Variants in ARHGAP10 observed in about 807,000 individuals in gnomAD.
The protein encoded by ARHGAP10 is Rho GTPase activating protein 10.
Under a neutral mutation model 108.6 loss-of-function variants are expected in ARHGAP10, and 87 were observed. That is an observed-to-expected ratio of 0.80 (90% confidence interval 0.67 to 0.96). ARHGAP10 has a LOEUF of 0.96. Ranked by LOEUF, ARHGAP10 falls within the 40% of genes least tolerant of loss-of-function variation. The probability of loss-of-function intolerance (pLI) is 0.00; values close to 1 mark genes in which losing one functional copy is unlikely to be tolerated. For synonymous variants in ARHGAP10, 347 were observed against 341.1 expected, an observed-to-expected ratio of 1.02 and a Z score of -0.19; for missense variants, 939 against 954.5, an observed-to-expected ratio of 0.98 and a Z score of 0.21.
At chr4:148,027,727 G>T (rs985607233) in intron 19 of ARHGAP10, among the ~76,000 whole-genome samples, 2 of 152,126 alleles carry the variant, frequency 1.3e-5, no homozygotes, top group South Asian at 4.1e-4. Context: ...ACACGTCAAC[G>T]AGAGCAATGC....
At chr4:147,783,450 C>T (rs1421094965) in intron 1 of ARHGAP10, among the ~76,000 whole-genome samples, 1 of 141,248 alleles carries the variant, frequency 7.1e-6, no homozygotes, top group African/African-American at 2.6e-5. Context: ...ATTTATATAG[C>T]ACACATTAAA....
At chr4:147,767,563 G>A (rs896466384) in intron 1 of ARHGAP10, among the ~76,000 whole-genome samples, 3 of 152,052 alleles carry the variant, frequency 2.0e-5, no homozygotes, top group South Asian at 4.2e-4. Flanking sequence ...ATCAAGAATC[G>A]TCTTGAAAAT....
chr4:147,750,600 T>C (rs945967125), intron 1 of ARHGAP10, among the ~76,000 whole-genome samples: 8 of 151,054 alleles, frequency 5.3e-5, no homozygotes, highest in African/African-American at 1.2e-4. Context: ...ATATAAAATA[T>C]CTTTTTTTTT....
In ARHGAP10 at chr4:147,857,505, G is replaced by GTGTA. The variant is rs1734140922; in HGVS notation, c.385-46_385-43dup. ...TTGAGCTTCCCAGTGGATTAACCAT[G>GTGTA]TGTATCCTTTTGTTTCTGTTTAATC... On this transcript the variant is annotated intron_variant, in intron 4 of 22. Coordinates refer to ENST00000336498, the MANE Select transcript of ARHGAP10 (RefSeq NM_024605.4). The GTGTA allele has an allele frequency of 2.9e-6, 4 of 1,391,214 alleles. No homozygotes were observed. In the Admixed American group the frequency reaches 1.3e-4, roughly 45 times the overall value. The allele number at this position is 1,391,214 out of a possible 1,614,324, so 86.2% of individuals were successfully genotyped here.
At chr4:148,017,065 G>T (rs1256366909) in intron 18 of ARHGAP10, among the ~76,000 whole-genome samples, 1 of 151,476 alleles carries the variant, frequency 6.6e-6, no homozygotes, top group African/African-American at 2.4e-5. Context: ...TGAGGCAGGA[G>T]AATCGCCTTT....
chr4:147,926,102 T>C (rs1737450952), intron 13 of ARHGAP10, among the ~76,000 whole-genome samples: 2 of 152,018 alleles, frequency 1.3e-5, no homozygotes, highest in Non-Finnish European at 2.9e-5. Context: ...TGTGGGGAGA[T>C]GTTTGTGAGC....
intron 1 of ARHGAP10, among the ~76,000 whole-genome samples, chr4:147,805,783 TGG>T (rs2126765736): frequency 6.6e-6 from 1 of 152,310 alleles, no homozygotes; most frequent in East Asian, 1.9e-4. Context: ...CACTGCATCG[TGG>T]GCAACAGAGC....
intron 13 of ARHGAP10, among the ~76,000 whole-genome samples, chr4:147,927,875 G>A (rs574043973): frequency 3.4e-4 from 52 of 152,298 alleles, no homozygotes; most frequent in African/African-American, 1.1e-3. Flanking sequence ...CTGGGATCGG[G>A]AGACCTCTGG....
Position 148,062,596 on chromosome 4 carries a change from A to C in ARHGAP10, c.2028-552A>C, listed in dbSNP as rs190963650. 2.0e-5 allele frequency among the ~76,000 whole-genome samples: 3 copies of C among 152,152 alleles called. No homozygotes were observed. In the East Asian group the frequency reaches 5.8e-4, roughly 29 times the overall value. ...TTACATTAACTTTAAAAAAAAAGGG[A>C]AATATTAAGAAATGCTCTGGTCACC... On this transcript the variant is annotated intron_variant, in intron 20 of 22. Transcript: ENST00000336498.
At position 147,940,026 on chromosome 4, in the gene ARHGAP10, T is replaced by C. The variant is rs1398358725; in HGVS notation, c.1303+127T>C. On this transcript the variant is annotated intron_variant, in intron 14 of 22. Coordinates refer to ENST00000336498, the MANE Select transcript of ARHGAP10 (RefSeq NM_024605.4). ...ATTCCTCTACTTTCTACAGGAGTTTTCTGCTGAGCAGAGACAATTGACCCA... is the reference window on the plus strand; with the variant it reads ...ATTCCTCTACTTTCTACAGGAGTTTCCTGCTGAGCAGAGACAATTGACCCA... The C allele has an allele frequency of 1.4e-5, 13 of 910,262 alleles. No homozygotes were observed. The East Asian group carries it at 2.5e-4, about 18-fold the overall frequency. The allele number at this position is 910,262 out of a possible 1,614,324, so 56.4% of individuals were successfully genotyped here. A position where few individuals can be genotyped will look rare whatever the true frequency, so the allele number is the denominator to read the frequency against.
intron 4 of ARHGAP10, among the ~76,000 whole-genome samples, chr4:147,848,732 T>C (rs1045812937): frequency 3.3e-5 from 5 of 152,252 alleles, no homozygotes; most frequent in Non-Finnish European, 5.9e-5. Context: ...ATATTTACTT[T>C]TACTTGCCAT....
Position 147,821,777 on chromosome 4 carries a change from C to T in ARHGAP10, c.155-950C>T, listed in dbSNP as rs76175519. ...TGTGTGAAGGAGACACACAGGAAGA[C>T]AGCAGCTGTGTGAAGTGCAGAAGTC... On this transcript the variant is annotated intron_variant, in intron 1 of 22. Coordinates refer to ENST00000336498, the MANE Select transcript of ARHGAP10 (RefSeq NM_024605.4). 4.2e-3 allele frequency among the ~76,000 whole-genome samples: 646 copies of T among 152,332 alleles called. 5 individuals are homozygous for T. Among genetic ancestry groups the T allele is most frequent in the African/African-American group, 0.015 (613 of 41,578 alleles).
chr4:148,007,143 A>G (rs1740982876), intron 18 of ARHGAP10, among the ~76,000 whole-genome samples: 1 of 152,260 alleles, frequency 6.6e-6, no homozygotes, highest in African/African-American at 2.4e-5. Flanking sequence ...AGAGAGCTAA[A>G]TAAGAATGAC....
At chr4:147,952,951 C>G (rs1175872119) in intron 15 of ARHGAP10, among the ~76,000 whole-genome samples, 3 of 151,930 alleles carry the variant, frequency 2.0e-5, no homozygotes, top group Non-Finnish European at 4.4e-5. Context: ...GGTATGAATT[C>G]AAGTTCATTT....
chr4:147,908,725 G>A (rs1736606800), intron 11 of ARHGAP10, among the ~76,000 whole-genome samples: 1 of 152,110 alleles, frequency 6.6e-6, no homozygotes. Context: ...GAAAACATGA[G>A]CTCCATCTTA....
chr4:147,919,511 G>A (rs1158254174), intron 13 of ARHGAP10, among the ~76,000 whole-genome samples: 1 of 152,130 alleles, frequency 6.6e-6, no homozygotes, highest in Admixed American at 6.5e-5. Flanking sequence ...ACTTCCTAAA[G>A]CAGTTGTTCC....
At chr4:147,972,004 C>A (rs888277868) in intron 18 of ARHGAP10, among the ~76,000 whole-genome samples, 1 of 151,906 alleles carries the variant, frequency 6.6e-6, no homozygotes, top group Non-Finnish European at 1.5e-5. Context: ...GAGATTCAAT[C>A]CTGGGACAAT....
At chr4:147,761,985 C>T (rs1560744017) in intron 1 of ARHGAP10, among the ~76,000 whole-genome samples, 2 of 152,152 alleles carry the variant, frequency 1.3e-5, no homozygotes, top group Non-Finnish European at 2.9e-5. Flanking sequence ...GCCAGATTCT[C>T]CATTAGAAAT....
At chr4:147,933,951 G>T (rs930381996) in intron 13 of ARHGAP10, among the ~76,000 whole-genome samples, 1 of 152,150 alleles carries the variant, frequency 6.6e-6, no homozygotes, top group Non-Finnish European at 1.5e-5. Context: ...GATCTGTTGT[G>T]GGGCAGAGGT....
Sources: gnomAD v4.1 joint callset for allele counts (sites outside exome capture counted in the v4.1 genomes callset) on GRCh38, gnomAD v4.1.1 for gene constraint, MANE v1.5 for transcripts, NCBI Gene and HGNC (gene_info 2026-07-23, HGNC 2026-07-21) for gene names.